The following SERAC1 variants were observed in gnomAD, a reference collection of about 807,000 sequenced individuals.
The protein encoded by SERAC1 is protein SERAC1.
SERAC1 carries 36 observed loss-of-function variants against 85.7 expected under a neutral mutation model. That is an observed-to-expected ratio of 0.42 (90% CI 0.32 to 0.55). The LOEUF (loss-of-function observed/expected upper bound fraction) is 0.55. Ranked by LOEUF, SERAC1 falls within the 20% of genes least tolerant of loss-of-function variation. The pLI is 0.11. For synonymous variants in SERAC1, 242 were observed against 265.3 expected (o/e 0.91, Z 0.85); for missense variants, 629 against 796.2 (o/e 0.79, Z 2.53).
At chr6:158,131,193 C>CA (rs899479708) in intron 8 of SERAC1, among the ~76,000 whole-genome samples, 1 of 150,458 alleles carries the variant, frequency 6.6e-6, no homozygotes, top group Non-Finnish European at 1.5e-5. Context: ...AAGTCAGTGA[C>CA]AAAAAATACC....
intron 10 of SERAC1, among the ~76,000 whole-genome samples, chr6:158,122,016 T>C (rs1363602279): frequency 2.6e-5 from 4 of 152,258 alleles, no homozygotes; most frequent in African/African-American, 9.6e-5. Context: ...GAACCACAAA[T>C]ACTATGGTGA....
At chr6:158,133,180 T>C (rs1784716522) in intron 8 of SERAC1, among the ~76,000 whole-genome samples, 1 of 151,880 alleles carries the variant, frequency 6.6e-6, no homozygotes, top group East Asian at 2.0e-4. Flanking sequence ...ACACCTGCTG[T>C]CCCAGCTACC....
chr6:158,167,258 G>T (rs573458077), intron 1 of SERAC1, among the ~76,000 whole-genome samples: 274 of 146,198 alleles, frequency 1.9e-3, no homozygotes, highest in Middle Eastern at 0.011. Flanking sequence ...GCAGCATGAG[G>T]TCGGGCGCGG....
rs114483450 is a variant in SERAC1, at chr6:158,118,929, G to A, written c.1308+100C>T. On this transcript the variant is annotated intron_variant, in intron 12 of 16. Transcript: ENST00000647468. ...CCTAAGGGAAAGAAGAACTGCATGG[G>A]AAAAAAATCCCAGAACAAAGAGAAA... 1.3e-3 allele frequency: 1,924 copies of A among 1,436,120 alleles called. 25 individuals carry two copies. In the African/African-American group the frequency reaches 0.025, roughly 18 times the overall value. The allele number at this position is 1,436,120 out of a possible 1,614,324, so 89.0% of individuals were successfully genotyped here.
intron 3 of SERAC1, 32 bp from the exon 4 acceptor site, chr6:158,150,621 TAGAC>T: frequency 6.8e-7 from 1 of 1,473,712 alleles, no homozygotes; most frequent in Non-Finnish European, 9.4e-7. Flanking sequence ...GCATCATAAA[TAGAC>T]AATCAAAATG....
rs1431099480 is a variant in SERAC1 at position 158,110,441 on chromosome 6, T to G, written c.*925A>C. The G allele has an allele frequency of 6.6e-6, 1 of 152,144 alleles. No individual in the cohort carries two copies. Among genetic ancestry groups the G allele is most frequent in the Non-Finnish European group, 1.5e-5 (1 of 68,030 alleles). The allele number at this position is 152,144 out of a possible 1,614,324, so 9.4% of individuals were successfully genotyped here. ...GTATAATTTAAAAGGGTGAATCTTA[T>G]GGTATGTAAATTATATCTCAATAAT... On this transcript the variant is annotated 3_prime_UTR_variant, in exon 17 of 17. Coordinates refer to ENST00000647468, the MANE Select transcript of SERAC1 (RefSeq NM_032861.4).
At chr6:158,152,268 C>A (rs1032320228) in intron 3 of SERAC1, among the ~76,000 whole-genome samples, 11 of 152,188 alleles carry the variant, frequency 7.2e-5, no homozygotes, top group African/African-American at 2.7e-4. Flanking sequence ...GTAATCTCAA[C>A]ACTCTGGGAG....
intron 10 of SERAC1, among the ~76,000 whole-genome samples, chr6:158,123,429 A>C (rs1784465347): frequency 6.6e-6 from 1 of 152,218 alleles, no homozygotes; most frequent in African/African-American, 2.4e-5. Flanking sequence ...TTTGTTAGTG[A>C]GAAAATTCCT....
At chr6:158,140,854 T>C (rs1784899170) in intron 8 of SERAC1, among the ~76,000 whole-genome samples, 1 of 152,220 alleles carries the variant, frequency 6.6e-6, no homozygotes, top group African/African-American at 2.4e-5. Context: ...TCCACACTCC[T>C]GGTGTCAGAA....
At position 158,113,608 on chromosome 6, in the gene SERAC1, G is replaced by A. The variant is rs1242711508; in HGVS notation, c.1685-16C>T. On this transcript the variant is annotated splice_polypyrimidine_tract_variant and intron_variant, in intron 15 of 16. Coordinates refer to ENST00000647468, the MANE Select transcript of SERAC1 (RefSeq NM_032861.4). ...GCAGGAGAATCTGTAAAATTATACA[G>A]AACAAGACTGTGACAAGTTGTTTAC... 6.3e-7 allele frequency: 1 copy of A among 1,594,398 alleles called. No individual in the cohort carries two copies.
In SERAC1 at chr6:158,113,604, T is replaced by C. The variant is rs1327940001; in HGVS notation, c.1685-12A>G. On this transcript the variant is annotated splice_polypyrimidine_tract_variant and intron_variant, in intron 15 of 16. Transcript: ENST00000647468. The stretch of plus-strand genomic sequence containing the variant: ...AAGTGCAGGAGAATCTGTAAAATTA[T>C]ACAGAACAAGACTGTGACAAGTTGT... 14 of 1,610,884 alleles carry C rather than the reference T, an allele frequency of 8.7e-6. No homozygotes were observed. Among genetic ancestry groups the C allele is most frequent in the South Asian group, 1.1e-5 (1 of 90,792 alleles).
chr6:158,128,895 A>G (rs1447597805), intron 9 of SERAC1, among the ~76,000 whole-genome samples: 1 of 152,220 alleles, frequency 6.6e-6, no homozygotes, highest in African/African-American at 2.4e-5. Flanking sequence ...TATTGAGTTA[A>G]GGGAAGAGAA....
At chr6:158,134,147 C>A (rs1784741626) in intron 8 of SERAC1, among the ~76,000 whole-genome samples, 1 of 152,216 alleles carries the variant, frequency 6.6e-6, no homozygotes, top group East Asian at 1.9e-4. Flanking sequence ...GGTTTGAGAT[C>A]AACAGTTCAA....
chr6:158,113,820 T>G (rs1784207912), intron 15 of SERAC1, among the ~76,000 whole-genome samples: 1 of 152,106 alleles, frequency 6.6e-6, no homozygotes. Context: ...ATCACATTAC[T>G]GGGGGCAGGA....
chr6:158,160,385 T>TG (rs910705140), intron 1 of SERAC1, among the ~76,000 whole-genome samples: 2 of 152,176 alleles, frequency 1.3e-5, no homozygotes, highest in Non-Finnish European at 2.9e-5. Flanking sequence ...CTACCCTTTT[T>TG]GGGGGGTCAT....
At chr6:158,143,343 CTCTCTA>C (rs1274217685) in intron 7 of SERAC1, among the ~76,000 whole-genome samples, 159 bp from the exon 8 acceptor site, 439 of 33,434 alleles carry the variant, frequency 0.013, 1 homozygote, top group African/African-American at 0.081. Flanking sequence ...CTCTCTCTCT[CTCTCTA>C]TATATATATA....
rs115947341 is a variant in SERAC1, at chr6:158,118,813, A to G, written c.1308+216T>C. Among the ~76,000 whole-genome samples, 1,032 of 152,298 alleles carry G rather than the reference A, an allele frequency of 6.8e-3. 16 individuals are homozygous for G. The highest frequency in any genetic ancestry group is 0.024 in the African/African-American group (984 of 41,566). On this transcript the variant is annotated intron_variant, in intron 12 of 16. Coordinates refer to ENST00000647468, the MANE Select transcript of SERAC1 (RefSeq NM_032861.4). ...TTGCCCCTATTTTTTACTTAATAGA[A>G]TATTTTTTGAGTCATACACTGCACC...
intron 8 of SERAC1, among the ~76,000 whole-genome samples, chr6:158,136,227 TTTC>T (rs1263373628): frequency 3.3e-5 from 5 of 152,220 alleles, no homozygotes; most frequent in Admixed American, 2.0e-4. Flanking sequence ...TTAAATATAT[TTTC>T]TTATTATTGA....
At chr6:158,167,223 T>TA (rs34350104) in intron 1 of SERAC1, among the ~76,000 whole-genome samples, 1,748 of 101,788 alleles carry the variant, frequency 0.017, 21 homozygotes, top group South Asian at 0.03. Flanking sequence ...CACACGATGT[T>TA]AAAAAAAAAA....
Sources: gnomAD v4.1 joint callset for allele counts (sites outside exome capture counted in the v4.1 genomes callset) on GRCh38, gnomAD v4.1.1 for gene constraint, MANE v1.5 for transcripts, NCBI Gene and HGNC (gene_info 2026-07-23, HGNC 2026-07-21) for gene names.